The following ZSCAN25 variants were observed in gnomAD, a reference collection of about 807,000 sequenced individuals.
ZSCAN25 encodes zinc finger and SCAN domain-containing protein 25.
ZSCAN25 carries 27 observed loss-of-function variants against 38.7 expected under a neutral mutation model. The observed-to-expected ratio is 0.70, with a 90% CI of 0.51 to 0.96. The LOEUF (loss-of-function observed/expected upper bound fraction) is 0.96. Among genes scored for constraint, ZSCAN25 ranks in the 40% least tolerant of loss-of-function variants. ZSCAN25 has a pLI of 0.00. For synonymous variants in ZSCAN25, 273 were observed against 277.7 expected (o/e 0.98, Z 0.17); for missense variants, 637 against 705.9 (o/e 0.90, Z 1.11).
the ZSCAN25 span, among the ~76,000 whole-genome samples, chr7:99,643,207 C>G: frequency 3.3e-5 from 5 of 151,984 alleles, no homozygotes; most frequent in Non-Finnish European, 7.4e-5. Flanking sequence ...GCATTATGTG[C>G]AGGATGAGAA....
At chr7:99,714,408 C>T in the ZSCAN25 span, 2 of 1,328,020 alleles carry the variant, frequency 1.5e-6, no homozygotes, top group South Asian at 1.5e-5. Context: ...TGCATTCCTA[C>T]CAAATGAATT....
At chr7:99,690,388 A>C in the ZSCAN25 span, among the ~76,000 whole-genome samples, 1 of 152,374 alleles carries the variant, frequency 6.6e-6, no homozygotes, top group South Asian at 2.1e-4. Flanking sequence ...AGGCATGGGC[A>C]AGGACTTCAT....
In ZSCAN25 at chr7:99,629,657, C is replaced by G; in HGVS notation, c.1272C>G (p.Ser424Arg). ...QRHHLEVHQRSHTGEKPYKCG... is the reference protein window; with the variant it reads ...QRHHLEVHQRRHTGEKPYKCG... The stretch of plus-strand genomic sequence containing the variant: ...ACCACCTGGAGGTGCACCAGCGCAG[C>G]CACACTGGGGAGAAGCCCTACAAGT... Residue 424 changes from serine (S) to arginine (R), a missense_variant, in exon 8 of 8, where the codon AGC becomes AGG. Transcript: ENST00000394152. This position sits in a 1 kb window ranked among gnomAD's most constrained non-coding sequence, Gnocchi z 5.6. The G allele has an allele frequency of 6.2e-7, 1 of 1,614,056 alleles. No homozygotes were observed. The highest frequency in any genetic ancestry group is 8.5e-7 in the Non-Finnish European group (1 of 1,180,042).
At chr7:99,687,812 C>T in the ZSCAN25 span, among the ~76,000 whole-genome samples, 10 of 152,236 alleles carry the variant, frequency 6.6e-5, no homozygotes, top group African/African-American at 2.4e-4. Context: ...ATCAGACTAA[C>T]AGCTGATCTC....
At chr7:99,715,463 A>G in the ZSCAN25 span, 4 of 376,426 alleles carry the variant, frequency 1.1e-5, no homozygotes, top group East Asian at 5.8e-5. Flanking sequence ...AAAAATTAAT[A>G]TCATTTCTAT....
At chr7:99,714,832 T>G in the ZSCAN25 span, 2 of 1,373,146 alleles carry the variant, frequency 1.5e-6, no homozygotes, top group Non-Finnish European at 2.0e-6. Context: ...TTTGCCCCTC[T>G]TCCAGGCCAG....
the ZSCAN25 span, chr7:99,695,644 A>G: frequency 1.0e-6 from 1 of 982,290 alleles, no homozygotes; most frequent in Non-Finnish European, 1.5e-6. Flanking sequence ...CTGAAAGTGT[A>G]AAACCTCAGA....
chr7:99,663,611 T>C, the ZSCAN25 span: 1 of 1,000,310 alleles, frequency 1.0e-6, no homozygotes, highest in Non-Finnish European at 1.2e-6. Flanking sequence ...AATGATTCTT[T>C]ACCAATCTGT....
chr7:99,621,378 A>G lies in ZSCAN25; in HGVS notation c.393A>G (p.Pro131=). The change falls in exon 5 of 8, where the codon CCA becomes CCG. Residue 131 remains proline (P), a synonymous_variant. Coordinates refer to ENST00000394152, the MANE Select transcript of ZSCAN25 (RefSeq NM_145115.3). ...TERALEAKAV[P]CHRQGEQEET... Reference sequence around the variant, plus strand: ...GTGTTGGGAACTGTTCTTAGGTTCCATGCCACAGGCAGGGAGAGCAGGAGG... The same window carrying G: ...GTGTTGGGAACTGTTCTTAGGTTCCGTGCCACAGGCAGGGAGAGCAGGAGG... The G allele has an allele frequency of 1.4e-6, 2 of 1,410,548 alleles. No homozygotes were observed. Among genetic ancestry groups the G allele is most frequent in the South Asian group, 1.7e-5 (1 of 57,796 alleles). The allele number at this position is 1,410,548 out of a possible 1,614,324, so 87.4% of individuals were successfully genotyped here. A position where few individuals can be genotyped will look rare whatever the true frequency, so the allele number is the denominator to read the frequency against.
chr7:99,638,558 T>A, the ZSCAN25 span: 1 of 1,547,694 alleles, frequency 6.5e-7, no homozygotes, highest in Non-Finnish European at 8.9e-7. Flanking sequence ...AGAGCGCGGA[T>A]CTTGTCCTGG....
At chr7:99,690,993 C>T in the ZSCAN25 span, among the ~76,000 whole-genome samples, 1 of 152,180 alleles carries the variant, frequency 6.6e-6, no homozygotes, top group African/African-American at 2.4e-5. Flanking sequence ...CACATGCACA[C>T]TTATGTTTAT....
At chr7:99,669,701 TTGA>T in the ZSCAN25 span, among the ~76,000 whole-genome samples, 4 of 152,196 alleles carry the variant, frequency 2.6e-5, no homozygotes, top group Non-Finnish European at 4.4e-5. Context: ...ATTAGAGGTA[TTGA>T]TGATGAATAT....
chr7:99,658,601 T>A, the ZSCAN25 span, among the ~76,000 whole-genome samples: 1 of 152,230 alleles, frequency 6.6e-6, no homozygotes, highest in Admixed American at 6.5e-5. Context: ...TGGCGTTCTC[T>A]GTATTTCCTG....
At chr7:99,642,446 G>C in the ZSCAN25 span, among the ~76,000 whole-genome samples, 1 of 152,300 alleles carries the variant, frequency 6.6e-6, no homozygotes, top group South Asian at 2.1e-4. Context: ...CCATCAGTCA[G>C]GTGAGAAGGA....
chr7:99,721,456 T>A, the ZSCAN25 span, among the ~76,000 whole-genome samples: 1 of 152,210 alleles, frequency 6.6e-6, no homozygotes, highest in Non-Finnish European at 1.5e-5. Context: ...GATGATGCCA[T>A]GCATTTATGA....
chr7:99,717,315 C>T, the ZSCAN25 span: 14 of 1,613,230 alleles, frequency 8.7e-6, no homozygotes, highest in Non-Finnish European at 1.1e-5. Flanking sequence ...AGACATAAGT[C>T]CCAGAAGGAC....
downstream of ZSCAN25, among the ~76,000 whole-genome samples, chr7:99,635,490 A>G (rs2151314277): frequency 6.6e-6 from 1 of 152,304 alleles, no homozygotes; most frequent in East Asian, 1.9e-4. Context: ...TAAACCTCTT[A>G]TATCCTTAAA....
chr7:99,692,609 T>C, the ZSCAN25 span, among the ~76,000 whole-genome samples: 2 of 152,228 alleles, frequency 1.3e-5, no homozygotes, highest in East Asian at 1.9e-4. Context: ...CACTTTTTTT[T>C]CTCTAATCTT....
chr7:99,700,732 A>G, the ZSCAN25 span, among the ~76,000 whole-genome samples: 1 of 152,136 alleles, frequency 6.6e-6, no homozygotes, highest in African/African-American at 2.4e-5. Context: ...CCTGGACCCT[A>G]GCAGGGTACT....
Sources: allele counts gnomAD v4.1 joint callset (sites outside exome capture counted in the v4.1 genomes callset), GRCh38; gene constraint gnomAD v4.1.1; non-coding constraint Gnocchi (gnomAD v3.1); transcripts MANE v1.5; gene names NCBI Gene and HGNC (gene_info 2026-07-23, HGNC 2026-07-21).